The following LRCH1 variants were observed in gnomAD, a reference collection of about 807,000 sequenced individuals.
The protein encoded by LRCH1 is leucine rich repeats and calponin homology domain containing 1.
In LRCH1, 23 loss-of-function variants were observed where a neutral mutation model predicts 94.9. The observed-to-expected ratio is 0.24, with a 90% CI of 0.17 to 0.34. The LOEUF (loss-of-function observed/expected upper bound fraction) is 0.34, where lower values mean the gene tolerates loss of function less well. Among genes scored for constraint, LRCH1 ranks in the 10% least tolerant of loss-of-function variants. LRCH1 has a pLI of 1.00. For missense variants in LRCH1, 790 were observed against 945.9 expected, an observed-to-expected ratio of 0.84 and a Z score of 2.16; for synonymous variants, 364 against 354.9, an observed-to-expected ratio of 1.03 and a Z score of -0.29.
downstream of LRCH1, among the ~76,000 whole-genome samples, chr13:46,745,465 C>T (rs1028522293): frequency 1.3e-5 from 2 of 151,682 alleles, no homozygotes; most frequent in Non-Finnish European, 2.9e-5. Context: ...ACTTAGCAAA[C>T]GTTCAGGAAT....
intron 1 of LRCH1, among the ~76,000 whole-genome samples, chr13:46,577,518 T>A (rs7339324): frequency 6.6e-6 from 1 of 152,236 alleles, no homozygotes; most frequent in Admixed American, 6.5e-5. Flanking sequence ...TGGAATGATA[T>A]CCCATCATAT....
At position 46,723,204 on chromosome 13, in the gene LRCH1, T is replaced by TC. The variant is rs1566249979; in HGVS notation, c.1760-13dup. ...CAAGGCACTATATAAAGGCTTTTTT[T>TC]CCCCTTTGTATTGTAGTGTTTCTAA... On this transcript the variant is annotated splice_polypyrimidine_tract_variant and intron_variant, in intron 16 of 19. Transcript: ENST00000389797. 1 of 1,492,208 alleles carries TC rather than the reference T, an allele frequency of 6.7e-7. No homozygotes were observed. The highest frequency in any genetic ancestry group is 2.3e-5 in the East Asian group (1 of 44,350). The allele number at this position is 1,492,208 out of a possible 1,614,324, so 92.4% of individuals were successfully genotyped here.
intron 4 of LRCH1, 43 bp from the exon 5 acceptor site, chr13:46,685,862 C>A (rs995120701): frequency 1.5e-6 from 2 of 1,370,230 alleles, no homozygotes; most frequent in South Asian, 1.5e-5. Flanking sequence ...TTATTGATTT[C>A]TAAGGTTTTT....
chr13:46,663,591 TTGA>T (rs1304210436), intron 2 of LRCH1, among the ~76,000 whole-genome samples: 1 of 152,212 alleles, frequency 6.6e-6, no homozygotes, highest in Admixed American at 6.5e-5. Flanking sequence ...TACTCTAACT[TTGA>T]TGAGAAGCAA....
At chr13:46,666,431 A>G (rs1021387402) in intron 2 of LRCH1, among the ~76,000 whole-genome samples, 11 of 152,200 alleles carry the variant, frequency 7.2e-5, no homozygotes, top group Admixed American at 2.0e-4. Flanking sequence ...CCAGTTCCAT[A>G]TCTGCTAATC....
intron 1 of LRCH1, among the ~76,000 whole-genome samples, chr13:46,644,197 A>G (rs1056912974): frequency 2.6e-5 from 4 of 152,194 alleles, no homozygotes; most frequent in African/African-American, 9.6e-5. Flanking sequence ...AGTGGTTTAA[A>G]TGAGGTGCCA....
At chr13:46,623,054 A>G (rs2050898678) in intron 1 of LRCH1, among the ~76,000 whole-genome samples, 1 of 152,158 alleles carries the variant, frequency 6.6e-6, no homozygotes, top group Non-Finnish European at 1.5e-5. Context: ...TAGTGTAGTT[A>G]AAAGATGCCA....
chr13:46,710,519 A>G (rs1872005574), intron 13 of LRCH1, among the ~76,000 whole-genome samples: 1 of 152,212 alleles, frequency 6.6e-6, no homozygotes, highest in Non-Finnish European at 1.5e-5. Flanking sequence ...CTCATACATA[A>G]ATATCGAACG....
rs1412480799 is a variant in LRCH1, at chr13:46,742,747, A to G, written c.*899A>G. ...TCCAGAATGTGACGGATTCGACTCTATTCATTTTCAAATAAAGCCATGAGC... is the reference window on the plus strand; with the variant it reads ...TCCAGAATGTGACGGATTCGACTCTGTTCATTTTCAAATAAAGCCATGAGC... On this transcript the variant is annotated 3_prime_UTR_variant, in exon 20 of 20. Transcript: ENST00000389797. 4.1e-6 allele frequency: 4 copies of G among 985,320 alleles called. No homozygotes were observed. Among genetic ancestry groups the G allele is most frequent in the African/African-American group, 3.5e-5 (2 of 57,238 alleles). The allele number at this position is 985,320 out of a possible 1,614,324, so 61.0% of individuals were successfully genotyped here.
chr13:46,581,643 A>C (rs1044254842), intron 1 of LRCH1, among the ~76,000 whole-genome samples: 3 of 152,194 alleles, frequency 2.0e-5, no homozygotes, highest in Admixed American at 2.0e-4. Flanking sequence ...TTTTCTGTTG[A>C]GAAATGGACC....
chr13:46,655,242 T>A (rs1426634562), intron 2 of LRCH1, among the ~76,000 whole-genome samples: 3 of 152,256 alleles, frequency 2.0e-5, no homozygotes, highest in Non-Finnish European at 4.4e-5. Flanking sequence ...GTCAAAAGGC[T>A]GCTTGTTGCC....
intron 2 of LRCH1, among the ~76,000 whole-genome samples, chr13:46,655,558 A>T (rs1337369342): frequency 6.6e-6 from 1 of 152,204 alleles, no homozygotes; most frequent in Non-Finnish European, 1.5e-5. Flanking sequence ...AATAAAAATG[A>T]TTAAGCAAGA....
intron 8 of LRCH1, 43 bp from the exon 9 acceptor site, chr13:46,694,850 T>C: frequency 6.2e-7 from 1 of 1,609,944 alleles, no homozygotes; most frequent in Non-Finnish European, 8.5e-7. Context: ...TGCTCTTCTG[T>C]TCATGAAATC....
At chr13:46,666,109 T>TCA (rs1253610697) in intron 2 of LRCH1, among the ~76,000 whole-genome samples, 2 of 152,236 alleles carry the variant, frequency 1.3e-5, no homozygotes, top group African/African-American at 4.8e-5. Context: ...TGTGGCCTGC[T>TCA]GTACGGTGAC....
chr13:46,728,179 A>T (rs1275266932), intron 17 of LRCH1, among the ~76,000 whole-genome samples: 1 of 151,870 alleles, frequency 6.6e-6, no homozygotes, highest in Non-Finnish European at 1.5e-5. Flanking sequence ...GGCCTCTCAA[A>T]GTGTTGGGGT....
chr13:46,643,444 C>T (rs2051183292), intron 1 of LRCH1, among the ~76,000 whole-genome samples: 1 of 152,214 alleles, frequency 6.6e-6, no homozygotes, highest in African/African-American at 2.4e-5. Flanking sequence ...CTTTTTCTCT[C>T]CCTTTTAAAG....
intron 11 of LRCH1, among the ~76,000 whole-genome samples, chr13:46,703,338 A>G (rs1159327587): frequency 1.3e-5 from 2 of 152,254 alleles, no homozygotes; most frequent in African/African-American, 4.8e-5. Context: ...GGTAAGTTGT[A>G]TGACTTCTCT....
intron 3 of LRCH1, among the ~76,000 whole-genome samples, chr13:46,669,678 T>C (rs1248912760): frequency 6.6e-6 from 1 of 152,206 alleles, no homozygotes; most frequent in Non-Finnish European, 1.5e-5. Context: ...AGAGATGGAT[T>C]ACAAATGTGT....
At position 46,741,920 on chromosome 13, in the gene LRCH1, C is replaced by A. The variant is rs1273541578; in HGVS notation, c.*72C>A. The A allele has an allele frequency of 1.3e-6, 2 of 1,596,394 alleles. No individual in the cohort carries two copies. Among genetic ancestry groups the A allele is most frequent in the African/African-American group, 2.7e-5 (2 of 74,394 alleles). On this transcript the variant is annotated 3_prime_UTR_variant, in exon 20 of 20. Transcript: ENST00000389797. ...TGCAGGGTCCTTCCTACCTTTGAGCCTTTGCCTTGCAAACTTCCATCCCTG... is the reference window on the plus strand; with the variant it reads ...TGCAGGGTCCTTCCTACCTTTGAGCATTTGCCTTGCAAACTTCCATCCCTG...
Sources: gnomAD v4.1 joint callset for allele counts (sites outside exome capture counted in the v4.1 genomes callset) on GRCh38, gnomAD v4.1.1 for gene constraint, MANE v1.5 for transcripts, NCBI Gene and HGNC (gene_info 2026-07-23, HGNC 2026-07-21) for gene names.